VPS41: variants seen among roughly 807,000 people sequenced by gnomAD.
VPS41 encodes the protein VPS41 subunit of HOPS complex, also known as vacuolar protein sorting-associated protein 41 homolog.
VPS41 carries 85 observed loss-of-function variants against 130.9 expected under a neutral mutation model. The observed-to-expected ratio is 0.65, with a 90% CI of 0.55 to 0.78. The LOEUF (loss-of-function observed/expected upper bound fraction) is 0.78, where lower values mean the gene tolerates loss of function less well. Among genes scored for constraint, VPS41 ranks in the 30% least tolerant of loss-of-function variants. The pLI is 0.00. For missense variants in VPS41, 874 were observed against 1,018.7 expected (o/e 0.86, Z 1.93); for synonymous variants, 335 against 332.9 (o/e 1.01, Z -0.07).
chr7:38,758,799 A>T (rs1005409858), intron 17 of VPS41, among the ~76,000 whole-genome samples: 8 of 152,168 alleles, frequency 5.3e-5, no homozygotes, highest in African/African-American at 1.9e-4. Flanking sequence ...CCGATCACCA[A>T]TGGCCCAGTG....
chr7:38,739,521 G>A (rs1044746285), intron 25 of VPS41, among the ~76,000 whole-genome samples: 1 of 152,128 alleles, frequency 6.6e-6, no homozygotes, highest in Non-Finnish European at 1.5e-5. Context: ...CACATTAAGC[G>A]GTCATTAATA....
intron 2 of VPS41, among the ~76,000 whole-genome samples, chr7:38,894,619 G>C (rs11772408): frequency 6.6e-6 from 1 of 151,900 alleles, no homozygotes; most frequent in Non-Finnish European, 1.5e-5. Flanking sequence ...AACATTAATC[G>C]TATCTATCTT....
chr7:38,775,312 A>T (rs1449834772), intron 11 of VPS41: 2 of 152,176 alleles, frequency 1.3e-5, no homozygotes, highest in African/African-American at 4.8e-5. Context: ...AGTCATCTCC[A>T]AAACCCTCGC....
At chr7:38,900,893 C>A (rs1787125948) in intron 1 of VPS41, among the ~76,000 whole-genome samples, 1 of 152,208 alleles carries the variant, frequency 6.6e-6, no homozygotes. Flanking sequence ...TAGCTTCATT[C>A]ATTCATCAAG....
intron 17 of VPS41, among the ~76,000 whole-genome samples, chr7:38,761,616 G>A (rs1783923976): frequency 6.6e-6 from 1 of 151,400 alleles, no homozygotes; most frequent in East Asian, 1.9e-4. Context: ...TTGTGAGAAA[G>A]GGTCCCACTC....
chr7:38,758,243 A>T, intron 18 of VPS41, 111 bp downstream of exon 18: 1 of 994,340 alleles, frequency 1.0e-6, no homozygotes, highest in Non-Finnish European at 1.5e-6. Flanking sequence ...GAAGGAATGT[A>T]GGAAAATGGT....
chr7:38,752,250 T>C lies in VPS41; in HGVS notation c.1852A>G (p.Ser618Gly), dbSNP rs749725112. The C allele has an allele frequency of 6.2e-7, 1 of 1,614,036 alleles. No individual in the cohort carries two copies. The highest frequency in any genetic ancestry group is 1.1e-5 in the South Asian group (1 of 91,078). ...GGTCGATCATATTCAGCATAAAGAC[T>C]GATCTGTTTTTCATGGTAACGCTGC... ...KGQRYHEKQI[S>G]LYAEYDRPNL... Residue 618 changes from serine to glycine, a missense_variant, in exon 22 of 29, where the codon AGT (serine) becomes GGT (glycine). Transcript: ENST00000310301.
chr7:38,761,263 CTTTTTTTTTTTTTTTTT>C (rs66692164), intron 17 of VPS41, among the ~76,000 whole-genome samples: 13 of 57,008 alleles, frequency 2.3e-4, no homozygotes, highest in South Asian at 6.0e-4. Flanking sequence ...CTCTTCCTCT[CTTTTTTTTTTTTTTTTT>C]TTTTTTTTTT....
At chr7:38,778,909 C>G (rs755750775) in intron 10 of VPS41, among the ~76,000 whole-genome samples, 17 of 152,166 alleles carry the variant, frequency 1.1e-4, no homozygotes, top group Non-Finnish European at 2.2e-4. Flanking sequence ...AGATACAGAA[C>G]AGAGAAACTA....
intron 1 of VPS41, 150 bp from the exon 2 acceptor site, chr7:38,898,279 A>T: frequency 1.7e-6 from 1 of 605,128 alleles, no homozygotes. Flanking sequence ...ACATGCTCTG[A>T]CTTTCACATG....
rs369298848 is a variant in VPS41, at chr7:38,880,138, T to A, written c.61-10885A>T. Among the ~76,000 whole-genome samples the A allele has an allele frequency of 3.9e-5, 6 of 152,260 alleles. No individual in the cohort carries two copies. The East Asian group carries it at 9.7e-4, about 24-fold the overall frequency. On this transcript the variant is annotated intron_variant, in intron 2 of 28. Coordinates refer to ENST00000310301, the MANE Select transcript of VPS41 (RefSeq NM_014396.4). ...AATGTACGTAAAGCACAAAGCTTAG[T>A]ATCTGGTAATACCCAGTGAATGTGA... is the stretch of plus-strand genomic sequence containing the variant.
intron 10 of VPS41, among the ~76,000 whole-genome samples, chr7:38,778,786 C>T (rs975226553): frequency 8.5e-5 from 13 of 152,144 alleles, no homozygotes; most frequent in African/African-American, 2.7e-4. Context: ...AGGTATTCTC[C>T]CCACTTGGGA....
intron 7 of VPS41, among the ~76,000 whole-genome samples, chr7:38,798,134 G>A (rs879284003): frequency 6.6e-6 from 1 of 152,032 alleles, no homozygotes; most frequent in Non-Finnish European, 1.5e-5. Flanking sequence ...AGAGGCCTTC[G>A]GGAGTGTCCC....
At chr7:38,872,235 GC>G (rs370685708) in intron 2 of VPS41, among the ~76,000 whole-genome samples, 1 of 152,190 alleles carries the variant, frequency 6.6e-6, no homozygotes, top group African/African-American at 2.4e-5. Flanking sequence ...GAAGCCACTT[GC>G]CATGTTCTGA....
Position 38,754,734 on chromosome 7 carries a change from C to T in VPS41, c.1756G>A (p.Glu586Lys). The T allele has an allele frequency of 1.9e-6, 3 of 1,613,472 alleles. No individual in the cohort carries two copies. Among genetic ancestry groups the T allele is most frequent in the Non-Finnish European group, 1.7e-6 (2 of 1,179,660 alleles). Residue 586 changes from glutamate to lysine, a missense_variant, in exon 21 of 29, where the codon GAA (glutamate) becomes AAA (lysine). Coordinates refer to ENST00000310301, the MANE Select transcript of VPS41 (RefSeq NM_014396.4). ...DKISIKKVVEELEDRPELQHV... is the reference protein window; with the variant it reads ...DKISIKKVVEKLEDRPELQHV... ...TGTAGCTCTGGTCTGTCTTCCAATT[C>T]TTCCACTACCTTTTTAATCTAGATA...
chr7:38,841,323 T>C (rs765139898), intron 4 of VPS41, among the ~76,000 whole-genome samples: 3 of 152,198 alleles, frequency 2.0e-5, no homozygotes, highest in Non-Finnish European at 4.4e-5. Context: ...TTTTTGCCAA[T>C]TGATGAGAAA....
At position 38,765,652 on chromosome 7, in the gene VPS41, C is replaced by G; in HGVS notation, c.1257G>C (p.Gln419His). The change falls in exon 16 of 29, where the codon CAG (glutamine) becomes CAC (histidine). Residue 419 changes from glutamine (Q) to histidine (H), a missense_variant. Coordinates refer to ENST00000310301, the MANE Select transcript of VPS41 (RefSeq NM_014396.4). ...GTGCTGCATTTTTCCCAAGAATTTT[C>G]TGGCATTTGCTGGCAGTAAAAACAT... The part of the protein sequence containing the change: ...GDYDIAARKC[Q>H]KILGKNAALW... 1.3e-6 allele frequency: 2 copies of G among 1,593,914 alleles called. No individual in the cohort carries two copies. The highest frequency in any genetic ancestry group is 4.5e-5 in the East Asian group (2 of 44,130).
At chr7:38,859,077 T>G (rs549300735) in intron 4 of VPS41, among the ~76,000 whole-genome samples, 26 of 151,998 alleles carry the variant, frequency 1.7e-4, no homozygotes, top group Non-Finnish European at 2.5e-4. Context: ...ATGTGTGTGT[T>G]TGTATCTTCA....
chr7:38,894,208 T>C (rs2116425587), intron 2 of VPS41, among the ~76,000 whole-genome samples: 1 of 152,196 alleles, frequency 6.6e-6, no homozygotes, highest in East Asian at 1.9e-4. Context: ...GAGGAATCTC[T>C]GGTGGACTGA....
Sources: allele counts gnomAD v4.1 joint callset (sites outside exome capture counted in the v4.1 genomes callset), GRCh38; gene constraint gnomAD v4.1.1; transcripts MANE v1.5; gene names NCBI Gene and HGNC (gene_info 2026-07-23, HGNC 2026-07-21).